The following CHODL variants were observed in gnomAD, a reference collection of about 807,000 sequenced individuals.
CHODL encodes the protein chondrolectin.
CHODL carries 29 observed loss-of-function variants against 34.5 expected under a neutral mutation model. That is an observed-to-expected ratio of 0.84 (90% CI 0.63 to 1.15). The LOEUF is 1.15. CHODL is among the 50% of genes most tolerant of loss of function. CHODL has a pLI of 0.00. For missense variants in CHODL, 332 were observed against 332.5 expected (o/e 1.00, Z 0.01); for synonymous variants, 125 against 116.1 (o/e 1.08, Z -0.49).
At chr21:18,023,192 G>A (rs1258890789) in intron 1 of CHODL, among the ~76,000 whole-genome samples, 2 of 152,148 alleles carry the variant, frequency 1.3e-5, no homozygotes, top group Admixed American at 6.6e-5. Context: ...TTGCTTAGCT[G>A]TAGCAACTGG....
chr21:17,972,581 A>C (rs2063624325), intron 1 of CHODL, among the ~76,000 whole-genome samples: 1 of 152,234 alleles, frequency 6.6e-6, no homozygotes, highest in African/African-American at 2.4e-5. Context: ...AATCCGACTT[A>C]CAAGGGATGT....
intron 2 of CHODL, among the ~76,000 whole-genome samples, chr21:18,081,977 A>T (rs1271417579): frequency 6.6e-6 from 1 of 152,176 alleles, no homozygotes; most frequent in African/African-American, 2.4e-5. Flanking sequence ...CATATGTTTA[A>T]CCATCCGTAC....
chr21:17,923,275 C>CTT (rs111658435), intron 1 of CHODL, among the ~76,000 whole-genome samples: 1 of 146,498 alleles, frequency 6.8e-6, no homozygotes, highest in Non-Finnish European at 1.5e-5. Flanking sequence ...TTTTCTGCCT[C>CTT]TTTTTTTTTT....
At chr21:18,167,088 A>C (rs1047971982) in intron 2 of CHODL, among the ~76,000 whole-genome samples, 1 of 152,084 alleles carries the variant, frequency 6.6e-6, no homozygotes, top group Non-Finnish European at 1.5e-5. Context: ...TCATGTTTTA[A>C]AAATATGTTT....
intron 1 of CHODL, among the ~76,000 whole-genome samples, chr21:18,006,336 G>T (rs920329452): frequency 6.6e-6 from 1 of 150,774 alleles, no homozygotes; most frequent in African/African-American, 2.4e-5. Flanking sequence ...ACCTGCACAT[G>T]CCTGGAACTT....
intron 1 of CHODL, among the ~76,000 whole-genome samples, chr21:18,018,553 C>T (rs532088480): frequency 4.6e-4 from 70 of 152,256 alleles, no homozygotes; most frequent in African/African-American, 1.6e-3. Flanking sequence ...TGTCTTCTGC[C>T]GTGAGTAAAA....
At chr21:18,042,895 G>A (rs904907623) in intron 2 of CHODL, among the ~76,000 whole-genome samples, 1 of 151,762 alleles carries the variant, frequency 6.6e-6, no homozygotes, top group Non-Finnish European at 1.5e-5. Context: ...ATTTAAGAAT[G>A]GTCATGTTCT....
rs536950102 is a variant in CHODL at position 18,022,564 on chromosome 21, C to T, written c.-144-5308C>T. Reference sequence around the variant, plus strand: ...TTTCCTCTTTGAGATTTGGGTATCTCGAAATTAATCAATAGGAAGGTTTTA... The same window carrying T: ...TTTCCTCTTTGAGATTTGGGTATCTTGAAATTAATCAATAGGAAGGTTTTA... On this transcript the variant is annotated intron_variant, in intron 1 of 6. Transcript: ENST00000400127. 6.7e-4 allele frequency: 102 copies of T among 152,108 alleles called. 1 individual carries two copies. The highest frequency in any genetic ancestry group is 2.4e-3 in the African/African-American group (98 of 41,488). 9.4% of individuals were successfully genotyped at this position (152,108 alleles called of 1,614,324 possible).
At chr21:18,150,716 C>G (rs1005009863) in intron 2 of CHODL, among the ~76,000 whole-genome samples, 1 of 152,152 alleles carries the variant, frequency 6.6e-6, no homozygotes, top group Non-Finnish European at 1.5e-5. Context: ...TATTATTTCT[C>G]CCCAAGACAG....
intron 1 of CHODL, among the ~76,000 whole-genome samples, chr21:17,957,716 T>C (rs1385815222): frequency 6.6e-6 from 1 of 151,258 alleles, no homozygotes; most frequent in Admixed American, 6.6e-5. Context: ...ATTATAAAAA[T>C]AATAAAATAT....
intron 1 of CHODL, among the ~76,000 whole-genome samples, chr21:17,923,655 G>A (rs956296959): frequency 6.6e-6 from 1 of 151,938 alleles, no homozygotes; most frequent in Non-Finnish European, 1.5e-5. Flanking sequence ...TAGAGACGGG[G>A]TTTCACCATG....
At chr21:17,992,265 T>A (rs572523650) in intron 1 of CHODL, among the ~76,000 whole-genome samples, 1 of 152,310 alleles carries the variant, frequency 6.6e-6, no homozygotes, top group African/African-American at 2.4e-5. Flanking sequence ...GTGTGATGCC[T>A]CTAGTTCTTT....
At chr21:18,265,881 T>A in intron 5 of CHODL, 73 bp from the exon 6 acceptor site, 1 of 1,195,164 alleles carries the variant, frequency 8.4e-7, no homozygotes, top group Non-Finnish European at 1.2e-6. Flanking sequence ...CTGAGATATC[T>A]CCCTTTGGAC....
chr21:18,057,353 G>C (rs962883328), intron 2 of CHODL, among the ~76,000 whole-genome samples: 5 of 151,216 alleles, frequency 3.3e-5, no homozygotes, highest in African/African-American at 1.2e-4. Context: ...TTATTTTTTA[G>C]AGCAGTTTTA....
intron 2 of CHODL, among the ~76,000 whole-genome samples, chr21:18,057,328 C>CT (rs1351152819): frequency 6.6e-6 from 1 of 151,978 alleles, no homozygotes; most frequent in Admixed American, 6.6e-5. Context: ...TAGTTTTCAT[C>CT]TTTTTTTCTA....
intron 2 of CHODL, among the ~76,000 whole-genome samples, chr21:18,216,157 A>C (rs561073816): frequency 6.6e-6 from 1 of 151,962 alleles, no homozygotes; most frequent in African/African-American, 2.4e-5. Context: ...TGATTGATAC[A>C]TAACAATTGT....
chr21:18,097,541 G>A (rs974235357), intron 2 of CHODL, among the ~76,000 whole-genome samples: 2 of 151,894 alleles, frequency 1.3e-5, no homozygotes, highest in Admixed American at 6.6e-5. Context: ...CAAATGAAAC[G>A]TATAAAACAC....
chr21:17,950,497 A>AACACACACAC (rs200120318), intron 1 of CHODL, among the ~76,000 whole-genome samples: 2,904 of 130,340 alleles, frequency 0.022, 61 homozygotes, highest in African/African-American at 0.053. Context: ...CTAGATACAC[A>AACACACACAC]ACACACACAC....
At chr21:18,125,034 C>T (rs2065525175) in intron 2 of CHODL, among the ~76,000 whole-genome samples, 1 of 152,200 alleles carries the variant, frequency 6.6e-6, no homozygotes, top group South Asian at 2.1e-4. Context: ...AATATACATG[C>T]ATCAGTAGTG....
Sources: gnomAD v4.1 joint callset for allele counts (sites outside exome capture counted in the v4.1 genomes callset) on GRCh38, gnomAD v4.1.1 for gene constraint, MANE v1.5 for transcripts, NCBI Gene and HGNC (gene_info 2026-07-23, HGNC 2026-07-21) for gene names.